NPL: variants seen among roughly 807,000 people sequenced by gnomAD.
NPL encodes N-acetylneuraminate pyruvate lyase, also known as N-acetylneuraminate lyase.
In NPL, 32 loss-of-function variants were observed where a neutral mutation model predicts 41.1. The observed-to-expected ratio is 0.78, with a 90% confidence interval of 0.59 to 1.05. The LOEUF (loss-of-function observed/expected upper bound fraction) is 1.05. Among genes scored for constraint, NPL ranks in the 50% least tolerant of loss-of-function variants. NPL has a pLI of 0.00. For synonymous variants in NPL, 128 were observed against 134.9 expected (o/e 0.95, Z 0.35); for missense variants, 321 against 378.4 (o/e 0.85, Z 1.26).
In NPL at chr1:182,814,951, G is replaced by C. The variant is rs1667282164; in HGVS notation, c.364+93G>C. On this transcript the variant is annotated intron_variant, in intron 7 of 12. Transcript: ENST00000367553. Reference sequence around the variant, plus strand: ...GTTATATTTAATTTGTGAAAGTAAAGCACTATAGATTGGAGGCTTGAAGTC... The same window carrying C: ...GTTATATTTAATTTGTGAAAGTAAACCACTATAGATTGGAGGCTTGAAGTC... 3 of 1,039,748 alleles carry C rather than the reference G, an allele frequency of 2.9e-6. No individual in the cohort carries two copies. The East Asian group carries it at 7.3e-5, about 25-fold the overall frequency. 64.4% of individuals were successfully genotyped at this position (1,039,748 alleles called of 1,614,324 possible).
Position 182,829,369 on chromosome 1 carries a change from C to T in NPL, c.*461C>T. 5.5e-6 allele frequency: 7 copies of T among 1,281,560 alleles called. No homozygotes were observed. Among genetic ancestry groups the T allele is most frequent in the Non-Finnish European group, 6.9e-6 (7 of 1,012,256 alleles). The allele number at this position is 1,281,560 out of a possible 1,614,324, so 79.4% of individuals were successfully genotyped here. Reference sequence around the variant, plus strand: ...CAGGCACTTTAATACCAAACTGTAACATGTCTCAACTGTATACAACTCAAA... The same window carrying T: ...CAGGCACTTTAATACCAAACTGTAATATGTCTCAACTGTATACAACTCAAA... On this transcript the variant is annotated 3_prime_UTR_variant, in exon 13 of 13. Coordinates refer to ENST00000367553, the MANE Select transcript of NPL (RefSeq NM_030769.3).
intron 1 of NPL, 29 bp from the exon 2 acceptor site, chr1:182,792,203 A>G (rs1212914908): frequency 6.6e-6 from 1 of 152,216 alleles, no homozygotes; most frequent in Non-Finnish European, 1.5e-5. Flanking sequence ...AACCCTATGA[A>G]ATATAATTAC....
intron 6 of NPL, among the ~76,000 whole-genome samples, chr1:182,814,033 G>A (rs528050515): frequency 2.6e-5 from 4 of 152,310 alleles, no homozygotes; most frequent in Admixed American, 1.3e-4. Context: ...CAGAAGGAAG[G>A]CCCTTTTCCC....
intron 12 of NPL, chr1:182,826,996 CT>C: frequency 6.6e-6 from 1 of 152,238 alleles, no homozygotes; most frequent in South Asian, 2.1e-4. Flanking sequence ...TAACAATATA[CT>C]GCAATAAAAG....
At position 182,826,030 on chromosome 1, in the gene NPL, C is replaced by A. The variant is rs185530096; in HGVS notation, c.778+210C>A. 2.3e-4 allele frequency: 141 copies of A among 619,414 alleles called. No individual in the cohort carries two copies. In the African/African-American group the frequency reaches 2.3e-3, roughly 10 times the overall value. The allele number at this position is 619,414 out of a possible 1,614,324, so 38.4% of individuals were successfully genotyped here. Reference sequence around the variant, plus strand: ...TCTTTGGCAACCTTCTCCATTTTAGCACATGCCTACCCCATTTTCCATTCT... The same window carrying A: ...TCTTTGGCAACCTTCTCCATTTTAGAACATGCCTACCCCATTTTCCATTCT... On this transcript the variant is annotated intron_variant, in intron 12 of 12. Coordinates refer to ENST00000367553, the MANE Select transcript of NPL (RefSeq NM_030769.3).
intron 1 of NPL, among the ~76,000 whole-genome samples, chr1:182,791,095 C>T (rs1265903524): frequency 6.6e-6 from 1 of 152,134 alleles, no homozygotes; most frequent in South Asian, 2.1e-4. Context: ...CAAAACCACC[C>T]TGCTTAATAA....
chr1:182,809,995 T>A (rs1667130334), intron 5 of NPL: 1 of 152,130 alleles, frequency 6.6e-6, no homozygotes, highest in Non-Finnish European at 1.5e-5. Flanking sequence ...CTTTCTCCAT[T>A]CAGAAGTCTT....
At chr1:182,812,521 G>A (rs891551093) in intron 6 of NPL, among the ~76,000 whole-genome samples, 7 of 152,188 alleles carry the variant, frequency 4.6e-5, no homozygotes, top group Non-Finnish European at 1.0e-4. Flanking sequence ...TCTCTGGGAA[G>A]TAGAAGGCAG....
intron 10 of NPL, among the ~76,000 whole-genome samples, chr1:182,821,445 G>A (rs890595802): frequency 6.6e-6 from 1 of 152,076 alleles, no homozygotes; most frequent in African/African-American, 2.4e-5. Context: ...TTGTTGAATT[G>A]TTATAGAAGA....
rs757622425 is a variant in NPL, at chr1:182,825,750, T to G, written c.739-31T>G. Reference sequence around the variant, plus strand: ...TTACATTGTTTACACAGTTCAATAATACTAACTATAGATATGTTGTTCTTT... The same window carrying G: ...TTACATTGTTTACACAGTTCAATAAGACTAACTATAGATATGTTGTTCTTT... On this transcript the variant is annotated intron_variant, in intron 11 of 12. Coordinates refer to ENST00000367553, the MANE Select transcript of NPL (RefSeq NM_030769.3). 1.5e-5 allele frequency: 20 copies of G among 1,368,742 alleles called. 1 individual carries two copies. The South Asian group carries it at 2.3e-4, about 16-fold the overall frequency. The allele number at this position is 1,368,742 out of a possible 1,614,324, so 84.8% of individuals were successfully genotyped here.
intron 12 of NPL, among the ~76,000 whole-genome samples, chr1:182,827,555 A>T (rs1048827952): frequency 2.6e-5 from 4 of 152,144 alleles, no homozygotes; most frequent in African/African-American, 9.7e-5. Flanking sequence ...CCTTAGATCT[A>T]CCTTGAAAAT....
chr1:182,828,774 C>A lies in NPL; in HGVS notation c.829C>A (p.Pro277Thr). Residue 277 changes from proline (P) to threonine (T), a missense_variant, in exon 13 of 13, where the codon CCA (proline) becomes ACA (threonine). Transcript: ENST00000367553. This position sits in a 1 kb window ranked among gnomAD's most constrained non-coding sequence, Gnocchi z 4.0. ...KAIMTLVSGI[P>T]MGPPRLPLQK... ...CATCATGACTCTGGTCTCTGGGATT[C>A]CAATGGGCCCACCCCGGCTTCCACT... The A allele has an allele frequency of 6.2e-7, 1 of 1,614,134 alleles. No homozygotes were observed. Among genetic ancestry groups the A allele is most frequent in the African/African-American group, 1.3e-5 (1 of 75,020 alleles).
chr1:182,818,987 A>G (rs543683814), intron 10 of NPL, 128 bp downstream of exon 10: 47 of 852,000 alleles, frequency 5.5e-5, no homozygotes, highest in Non-Finnish European at 9.2e-5. Flanking sequence ...ACATTCTTCC[A>G]GTGAAAGGGA....
intron 5 of NPL, chr1:182,810,025 C>T (rs547743360): frequency 6.6e-6 from 1 of 152,264 alleles, no homozygotes; most frequent in Admixed American, 6.5e-5. Flanking sequence ...TTTAAAAATA[C>T]AAACCTGATC....
At chr1:182,822,971 C>G (rs1232066082) in intron 11 of NPL, among the ~76,000 whole-genome samples, 1 of 152,210 alleles carries the variant, frequency 6.6e-6, no homozygotes, top group African/African-American at 2.4e-5. Context: ...TGGGCTCAAG[C>G]AGTCCTCCCG....
At position 182,792,213 on chromosome 1, in the gene NPL, C is replaced by T. The variant is rs1666534770; in HGVS notation, c.-71-19C>T. On this transcript the variant is annotated intron_variant, in intron 1 of 12. Transcript: ENST00000367553. ...CTCTCAACCCTATGAAATATAATTACTATTATCCTCATTTACAGAAGGGGA... is the reference window on the plus strand; with the variant it reads ...CTCTCAACCCTATGAAATATAATTATTATTATCCTCATTTACAGAAGGGGA... The T allele has an allele frequency of 6.6e-6, 1 of 152,186 alleles. No individual in the cohort carries two copies. Among genetic ancestry groups the T allele is most frequent in the African/African-American group, 2.4e-5 (1 of 41,444 alleles). The allele number at this position is 152,186 out of a possible 1,614,324, so 9.4% of individuals were successfully genotyped here.
In NPL at chr1:182,828,945, A is replaced by G. The variant is rs768942162; in HGVS notation, c.*37A>G. 8 of 1,613,230 alleles carry G rather than the reference A, an allele frequency of 5.0e-6. 1 individual carries two copies. In the South Asian group the frequency reaches 8.8e-5, roughly 18 times the overall value. On this transcript the variant is annotated 3_prime_UTR_variant, in exon 13 of 13. Transcript: ENST00000367553. This position sits in a 1 kb window ranked among gnomAD's most constrained non-coding sequence, Gnocchi z 4.0. ...CAAATCAGGGTTTGCACCTTGAGAC[A>G]TAATCTACCTTAAATAGTGCATTTT... is the stretch of plus-strand genomic sequence containing the variant.
intron 3 of NPL, among the ~76,000 whole-genome samples, chr1:182,797,479 G>A (rs900893214): frequency 1.3e-5 from 2 of 152,112 alleles, no homozygotes; most frequent in Non-Finnish European, 2.9e-5. Flanking sequence ...AGACTCCCTG[G>A]GATGGCATAG....
chr1:182,795,971 A>G (rs897521733), intron 3 of NPL: 1 of 152,124 alleles, frequency 6.6e-6, no homozygotes, highest in African/African-American at 2.4e-5. Flanking sequence ...CCCACGGACA[A>G]TGTCAGTGTG....
Sources: gnomAD v4.1 joint callset for allele counts (sites outside exome capture counted in the v4.1 genomes callset) on GRCh38, gnomAD v4.1.1 for gene constraint, Gnocchi (gnomAD v3.1) non-coding constraint, MANE v1.5 for transcripts, NCBI Gene and HGNC (gene_info 2026-07-23, HGNC 2026-07-21) for gene names.